Variants in RIMS1 observed in about 807,000 individuals in gnomAD.
The protein encoded by RIMS1 is regulating synaptic membrane exocytosis protein 1.
In RIMS1, 83 loss-of-function variants were observed where a neutral mutation model predicts 214.1. The ratio of observed to expected loss-of-function variants is 0.39; its 90% confidence interval spans 0.32 to 0.47. The LOEUF is 0.47. Ranked by LOEUF, RIMS1 falls within the 20% of genes least tolerant of loss-of-function variation. The pLI, the probability that RIMS1 is intolerant of heterozygous loss-of-function variation, is 0.99. For missense variants in RIMS1, 2,050 were observed against 2,161.8 expected (o/e 0.95, Z 1.03); for synonymous variants, 793 against 786.8 (o/e 1.01, Z -0.13).
intron 6 of RIMS1, among the ~76,000 whole-genome samples, chr6:72,210,538 T>C (rs988092602): frequency 1.3e-5 from 2 of 152,222 alleles, no homozygotes; most frequent in African/African-American, 4.8e-5. Context: ...ATGGAGGATC[T>C]TAGCCAACAG....
At chr6:72,106,923 A>G (rs1475420637) in intron 4 of RIMS1, among the ~76,000 whole-genome samples, 1 of 152,324 alleles carries the variant, frequency 6.6e-6, no homozygotes, top group Middle Eastern at 3.4e-3. Context: ...GCTATCAATA[A>G]CTACTAACTT....
At position 71,948,599 on chromosome 6, in the gene RIMS1, A is replaced by G. The variant is rs1788553099; in HGVS notation, c.165-20384A>G. On this transcript the variant is annotated intron_variant, in intron 1 of 33. Transcript: ENST00000521978. ...AGAGACAATAAGACCAACCTCATAAAGATGTTGTGAAGATTTAATGCTCTT... is the reference window on the plus strand; with the variant it reads ...AGAGACAATAAGACCAACCTCATAAGGATGTTGTGAAGATTTAATGCTCTT... Among the ~76,000 whole-genome samples, 7 of 152,228 alleles carry G rather than the reference A, an allele frequency of 4.6e-5. No homozygotes were observed. In the South Asian group the frequency reaches 1.4e-3, roughly 32 times the overall value.
rs2154220527 is a variant in RIMS1 at position 72,284,089 on chromosome 6, T to C, written c.3525T>C (p.Thr1175=). 1 of 1,613,186 alleles carries C rather than the reference T, an allele frequency of 6.2e-7. No individual in the cohort carries two copies. ...AAAGATCTAGCATCCAAAAACAGAC[T>C]AGGAAAGGCACTGCCTCTGATGCAG... ...KSERSSIQKQ[T]RKGTASDAER... is the part of the protein sequence containing the mutation. Residue 1175 remains threonine, a synonymous_variant, in exon 24 of 34, where the codon ACT becomes ACC. Coordinates refer to ENST00000521978, the MANE Select transcript of RIMS1 (RefSeq NM_014989.7).
At chr6:71,928,919 T>C (rs1782287003) in intron 1 of RIMS1, among the ~76,000 whole-genome samples, 1 of 152,148 alleles carries the variant, frequency 6.6e-6, no homozygotes, top group Admixed American at 6.6e-5. Context: ...AGAAAAAGTT[T>C]AATAAATCTC....
intron 4 of RIMS1, among the ~76,000 whole-genome samples, chr6:72,127,949 A>G (rs923166397): frequency 6.6e-6 from 1 of 152,222 alleles, no homozygotes. Flanking sequence ...AAGACTTGGC[A>G]GCAGCAGTTA....
intron 1 of RIMS1, among the ~76,000 whole-genome samples, chr6:71,902,392 G>A (rs1043055186): frequency 1.3e-5 from 2 of 152,068 alleles, no homozygotes; most frequent in African/African-American, 4.8e-5. Context: ...AACAGAAAGG[G>A]AGAGACTGAC....
chr6:72,323,853 A>G (rs529553109), intron 28 of RIMS1, among the ~76,000 whole-genome samples: 1 of 152,102 alleles, frequency 6.6e-6, no homozygotes, highest in African/African-American at 2.4e-5. Flanking sequence ...TTGGAGAAGC[A>G]AAGATATGAC....
chr6:71,977,920 A>G lies in RIMS1; in HGVS notation c.245+8857A>G, dbSNP rs115239955. Among the ~76,000 whole-genome samples the G allele has an allele frequency of 1.4e-3, 217 of 152,334 alleles. 2 individuals carry two copies. Among genetic ancestry groups the G allele is most frequent in the African/African-American group, 5.1e-3 (214 of 41,582 alleles). On this transcript the variant is annotated intron_variant, in intron 2 of 33. Transcript: ENST00000521978. ...AAAGCACTTTAAAGAAGGGGGAATC[A>G]TGATCCAGTGTTGCGTAGCAAACGG... is the stretch of plus-strand genomic sequence containing the variant.
chr6:71,919,634 G>A (rs1474917923), intron 1 of RIMS1, among the ~76,000 whole-genome samples: 1 of 152,106 alleles, frequency 6.6e-6, no homozygotes, highest in African/African-American at 2.4e-5. Context: ...AGTAAATAAT[G>A]TCAGTGATGC....
intron 1 of RIMS1, among the ~76,000 whole-genome samples, chr6:71,888,624 G>T (rs1033425917): frequency 1.3e-5 from 2 of 151,628 alleles, no homozygotes; most frequent in African/African-American, 4.8e-5. Context: ...CCCAACCAGG[G>T]CAACTGACAC....
At chr6:72,210,763 C>T (rs2053667292) in intron 6 of RIMS1, among the ~76,000 whole-genome samples, 1 of 152,172 alleles carries the variant, frequency 6.6e-6, no homozygotes, top group Non-Finnish European at 1.5e-5. Context: ...GCCTCGGTTT[C>T]CTCATCTGTA....
In RIMS1 at chr6:71,990,299, A is replaced by G. The variant is rs142571895; in HGVS notation, c.245+21236A>G. Among the ~76,000 whole-genome samples the G allele has an allele frequency of 3.8e-4, 58 of 152,296 alleles. 1 individual carries two copies. Among genetic ancestry groups the G allele is most frequent in the Middle Eastern group, 6.8e-3 (2 of 294 alleles). On this transcript the variant is annotated intron_variant, in intron 2 of 33. Coordinates refer to ENST00000521978, the MANE Select transcript of RIMS1 (RefSeq NM_014989.7). ...CACTGATACGTGCAGCTCATTTACA[A>G]TGCACTTAATTGCACGGTGAGGCTT...
intron 4 of RIMS1, among the ~76,000 whole-genome samples, chr6:72,134,074 G>T (rs1046107337): frequency 5.3e-5 from 8 of 151,964 alleles, no homozygotes; most frequent in Non-Finnish European, 1.2e-4. Context: ...TTCAATAAAT[G>T]ATGATAGTAA....
chr6:71,895,879 A>G (rs148743748), intron 1 of RIMS1, among the ~76,000 whole-genome samples: 457 of 152,276 alleles, frequency 3.0e-3, no homozygotes, highest in African/African-American at 0.011. Context: ...TAGAGGTTCT[A>G]TCCAGGTCAG....
rs369895233 is a variant in RIMS1, at chr6:72,196,373, GTCTGTCTA to G, written c.1678+13228_1678+13235del. ...CCTCTGTCTGTCTGTCTGTCTGTCT[GTCTGTCTA>G]TCTATCTATCTATCTATCTATCTAT... On this transcript the variant is annotated intron_variant, in intron 6 of 33. Coordinates refer to ENST00000521978, the MANE Select transcript of RIMS1 (RefSeq NM_014989.7). Among the ~76,000 whole-genome samples, 750 of 102,324 alleles carry G rather than the reference GTCTGTCTA, an allele frequency of 7.3e-3. 4 individuals carry two copies. Among genetic ancestry groups the G allele is most frequent in the African/African-American group, 0.021 (547 of 26,484 alleles). 67.1% of individuals were successfully genotyped at this position (102,324 alleles called of 152,430 possible). A position where few individuals can be genotyped will look rare whatever the true frequency, so the allele number is the denominator to read the frequency against.
chr6:72,023,449 T>C (rs1815342850), intron 2 of RIMS1, among the ~76,000 whole-genome samples: 1 of 152,106 alleles, frequency 6.6e-6, no homozygotes, highest in African/African-American at 2.4e-5. Flanking sequence ...TATTAAAGTA[T>C]CTAAAATTCA....
chr6:72,240,630 CTTTT>C (rs11344285), intron 9 of RIMS1, among the ~76,000 whole-genome samples: 2 of 82,464 alleles, frequency 2.4e-5, no homozygotes, highest in Admixed American at 1.4e-4. Flanking sequence ...TTTCTTTTTT[CTTTT>C]TTTTTTTTTT....
At chr6:72,091,818 A>T (rs1438397177) in intron 2 of RIMS1, among the ~76,000 whole-genome samples, 1 of 152,180 alleles carries the variant, frequency 6.6e-6, no homozygotes, top group Non-Finnish European at 1.5e-5. Context: ...TAAATCTGTG[A>T]TTTGTGATCA....
intron 28 of RIMS1, among the ~76,000 whole-genome samples, chr6:72,329,786 TG>T (rs2096597127): frequency 6.6e-6 from 1 of 151,658 alleles, no homozygotes; most frequent in Non-Finnish European, 1.5e-5. Flanking sequence ...TCTGAGCAGT[TG>T]GGTAGATGGG....
Sources: gnomAD v4.1 joint callset for allele counts (sites outside exome capture counted in the v4.1 genomes callset) on GRCh38, gnomAD v4.1.1 for gene constraint, MANE v1.5 for transcripts, NCBI Gene and HGNC (gene_info 2026-07-23, HGNC 2026-07-21) for gene names.